TUFT1: variants seen among roughly 807,000 people sequenced by gnomAD.
The protein encoded by TUFT1 is tuftelin 1.
TUFT1 carries 43 observed loss-of-function variants against 57.8 expected under a neutral mutation model. The ratio of observed to expected loss-of-function variants is 0.74; its 90% CI spans 0.58 to 0.96. TUFT1 has a LOEUF of 0.96. TUFT1 is among the 40% of genes least tolerant of loss of function. The pLI, the probability that TUFT1 is intolerant of heterozygous loss-of-function variation, is 0.00. For synonymous variants in TUFT1, 166 were observed against 176.7 expected (o/e 0.94, Z 0.48); for missense variants, 459 against 489.0 (o/e 0.94, Z 0.58).
At position 151,540,317 on chromosome 1, in the gene TUFT1, C is replaced by T. The variant is rs1442349663; in HGVS notation, c.-50C>T. 8 of 1,612,550 alleles carry T rather than the reference C, an allele frequency of 5.0e-6. No homozygotes were observed. The highest frequency in any genetic ancestry group is 2.2e-5 in the South Asian group (2 of 91,020). ...TCCGCGCGCGCCCGCCCAGTTGGAG[C>T]CAGACAGCGGGGTGGACAAGTGGCG... On this transcript the variant is annotated 5_prime_UTR_variant, in exon 1 of 13. Transcript: ENST00000368849.
intron 1 of TUFT1, chr1:151,561,492 C>CAT (rs1665892054): frequency 1.1e-6 from 1 of 928,140 alleles, no homozygotes; most frequent in Non-Finnish European, 1.3e-6. Flanking sequence ...CACACACACA[C>CAT]ACACACACAC....
intron 9 of TUFT1, 26 bp from the exon 10 acceptor site, chr1:151,578,695 C>T (rs1487905513): frequency 6.5e-7 from 1 of 1,535,348 alleles, no homozygotes; most frequent in Admixed American, 2.0e-5. Context: ...GTTCCATTGC[C>T]TCAGCCTTCT....
At chr1:151,540,550 C>A (rs2102510187) in intron 1 of TUFT1, 124 bp downstream of exon 1, 3 of 1,063,634 alleles carry the variant, frequency 2.8e-6, no homozygotes, top group East Asian at 5.0e-5. Context: ...GTCAGCCCTG[C>A]GCGGCGCTTC....
At chr1:151,564,085 C>T in intron 4 of TUFT1, 95 bp downstream of exon 4, 1 of 967,042 alleles carries the variant, frequency 1.0e-6, no homozygotes, top group Middle Eastern at 2.2e-4. Flanking sequence ...TGGTTTTTCC[C>T]CTTCTTTTTC....
chr1:151,542,829 G>A (rs913966063), intron 1 of TUFT1, among the ~76,000 whole-genome samples: 1 of 152,162 alleles, frequency 6.6e-6, no homozygotes, highest in African/African-American at 2.4e-5. Flanking sequence ...CGGGACACAG[G>A]CCTTGTCCTG....
At chr1:151,557,790 C>A in intron 1 of TUFT1, 1 of 760,780 alleles carries the variant, frequency 1.3e-6, no homozygotes. Context: ...ACCTGCAAGA[C>A]TCACAAGAGG....
chr1:151,562,708 C>T lies in TUFT1; in HGVS notation c.237+22C>T, dbSNP rs138354196. 159 of 1,588,266 alleles carry T rather than the reference C, an allele frequency of 1.0e-4. 1 individual carries two copies. In the African/African-American group the frequency reaches 1.9e-3, roughly 19 times the overall value. On this transcript the variant is annotated intron_variant, in intron 3 of 12. Coordinates refer to ENST00000368849, the MANE Select transcript of TUFT1 (RefSeq NM_020127.3). The stretch of plus-strand genomic sequence containing the variant: ...TAAGGTAAGCTTAGTTCACCTCCAA[C>T]TTTTCTCCCTGTCCTCTTCCTCCCT...
chr1:151,559,506 G>A (rs1051977146), intron 1 of TUFT1, among the ~76,000 whole-genome samples: 1 of 152,210 alleles, frequency 6.6e-6, no homozygotes, highest in Non-Finnish European at 1.5e-5. Context: ...GGGAGCAAAG[G>A]CACTGAAGTT....
rs1216241706 is a variant in TUFT1 at position 151,579,996 on chromosome 1, C to A, written c.1008+264C>A. Among the ~76,000 whole-genome samples, 14 of 152,334 alleles carry A rather than the reference C, an allele frequency of 9.2e-5. No individual in the cohort carries two copies. The East Asian group carries it at 1.9e-3, about 21-fold the overall frequency. On this transcript the variant is annotated intron_variant, in intron 11 of 12. Coordinates refer to ENST00000368849, the MANE Select transcript of TUFT1 (RefSeq NM_020127.3). ...TCATGGTGCAAGCCACATGCCATGG[C>A]TGCACACGGCTAATTCTGACCCTCC...
rs1475532977 is a variant in TUFT1, at chr1:151,579,714, C to T, written c.990C>T (p.Ile330=). ...DATIQELKEK[I]AYLEAENLEM... is the part of the protein sequence containing the mutation. ...CCATCCAGGAGCTCAAGGAGAAAAT[C>T]GCCTATCTGGAGGCAGAGGTGTGTG... Residue 330 remains isoleucine, a synonymous_variant, in exon 11 of 13, where the codon ATC becomes ATT. Coordinates refer to ENST00000368849, the MANE Select transcript of TUFT1 (RefSeq NM_020127.3). 1.9e-6 allele frequency: 3 copies of T among 1,613,700 alleles called. No homozygotes were observed. Among genetic ancestry groups the T allele is most frequent in the Non-Finnish European group, 2.5e-6 (3 of 1,179,900 alleles).
At chr1:151,547,160 C>A (rs975977952) in intron 1 of TUFT1, among the ~76,000 whole-genome samples, 4 of 152,222 alleles carry the variant, frequency 2.6e-5, no homozygotes, top group Admixed American at 1.3e-4. Flanking sequence ...CAGGTTCTTA[C>A]TTTCAGGAGC....
At chr1:151,562,768 C>A in intron 3 of TUFT1, 82 bp downstream of exon 3, 1 of 1,217,112 alleles carries the variant, frequency 8.2e-7, no homozygotes, top group Non-Finnish European at 1.2e-6. Context: ...GATGTTGTTG[C>A]CAAAGGGAGC....
intron 1 of TUFT1, chr1:151,546,021 C>T (rs115792874): frequency 2.7e-4 from 74 of 278,554 alleles, no homozygotes; most frequent in African/African-American, 1.9e-3. Flanking sequence ...TTTTTTTCTA[C>T]AGCATCTTTT....
intron 1 of TUFT1, among the ~76,000 whole-genome samples, chr1:151,541,181 G>C (rs1424118655): frequency 6.6e-6 from 1 of 152,128 alleles, no homozygotes; most frequent in African/African-American, 2.4e-5. Context: ...TGGAGGAAGG[G>C]GATGCAGAAC....
rs1029817973 is a variant in TUFT1 at position 151,569,756 on chromosome 1, T to C, written c.580T>C (p.Cys194Arg). 1.9e-6 allele frequency: 3 copies of C among 1,613,878 alleles called. No individual in the cohort carries two copies. Among genetic ancestry groups the C allele is most frequent in the Admixed American group, 1.7e-5 (1 of 60,008 alleles). The stretch of plus-strand genomic sequence containing the variant: ...GGCCAAGCGGCAACACCAGTCAGAC[T>C]GTGTGGCTTTTGAGGTGAGATTTGG... ...QEAKRQHQSD[C>R]VAFEVTLSRY... Residue 194 changes from cysteine to arginine, a missense_variant, in exon 7 of 13, where the codon TGT becomes CGT. Coordinates refer to ENST00000368849, the MANE Select transcript of TUFT1 (RefSeq NM_020127.3).
chr1:151,551,296 G>GA (rs1665497996), intron 1 of TUFT1, among the ~76,000 whole-genome samples: 1 of 152,048 alleles, frequency 6.6e-6, no homozygotes, highest in African/African-American at 2.4e-5. Flanking sequence ...AGGGAATTGG[G>GA]AAAATCCCTG....
intron 7 of TUFT1, 48 bp downstream of exon 7, chr1:151,569,818 G>GTGTTCAGT: frequency 7.0e-7 from 1 of 1,426,558 alleles, no homozygotes; most frequent in Non-Finnish European, 9.9e-7. Flanking sequence ...ATGGGCTACT[G>GTGTTCAGT]AACACAGGTG....
At chr1:151,566,559 G>A (rs996313778) in intron 6 of TUFT1, among the ~76,000 whole-genome samples, 1 of 152,122 alleles carries the variant, frequency 6.6e-6, no homozygotes, top group African/African-American at 2.4e-5. Flanking sequence ...TCATTTCATT[G>A]TTCCAATAGG....
Position 151,583,395 on chromosome 1 carries a change from G to A in TUFT1, c.*1688G>A, listed in dbSNP as rs572167394. On this transcript the variant is annotated 3_prime_UTR_variant, in exon 13 of 13. Transcript: ENST00000368849. ...AATCCTTAAGTCTGTGTGTTTCTGT[G>A]TCTCAAGACTGGGCTCACATTCTGG... 6.6e-6 allele frequency: 1 copy of A among 152,300 alleles called. No homozygotes were observed. Among genetic ancestry groups the A allele is most frequent in the Admixed American group, 6.5e-5 (1 of 15,294 alleles). The allele number at this position is 152,300 out of a possible 1,614,324, so 9.4% of individuals were successfully genotyped here. A position where few individuals can be genotyped will look rare whatever the true frequency, so the allele number is the denominator to read the frequency against.
Sources: allele counts gnomAD v4.1 joint callset (sites outside exome capture counted in the v4.1 genomes callset), GRCh38; gene constraint gnomAD v4.1.1; transcripts MANE v1.5; gene names NCBI Gene and HGNC (gene_info 2026-07-23, HGNC 2026-07-21).